BMPR1A: variants seen among roughly 807,000 people sequenced by gnomAD.
BMPR1A encodes bone morphogenetic protein receptor type-1A.
A neutral mutation model predicts 66.0 loss-of-function variants in BMPR1A; 7 were observed. That is an observed-to-expected ratio of 0.11 (90% CI 0.06 to 0.20). The LOEUF is 0.20. Among genes scored for constraint, BMPR1A ranks in the 10% least tolerant of loss-of-function variants. BMPR1A has a pLI of 1.00. For synonymous variants in BMPR1A, 200 were observed against 229.7 expected, an observed-to-expected ratio of 0.87 and a Z score of 1.17; for missense variants, 408 against 669.1, an observed-to-expected ratio of 0.61 and a Z score of 4.31.
chr10:86,898,772 G>A (rs777407616), intron 5 of BMPR1A, among the ~76,000 whole-genome samples: 11 of 152,000 alleles, frequency 7.2e-5, no homozygotes, highest in Non-Finnish European at 1.2e-4. Flanking sequence ...TTCATTCATC[G>A]TTAGTTATAT....
Position 86,898,452 on chromosome 10 carries a change from A to T in BMPR1A, c.334-1342A>T, listed in dbSNP as rs188130649. Among the ~76,000 whole-genome samples, 3 of 152,298 alleles carry T rather than the reference A, an allele frequency of 2.0e-5. No individual in the cohort carries two copies. In the East Asian group the frequency reaches 5.8e-4, roughly 29 times the overall value. Reference sequence around the variant, plus strand: ...CACCTAGGTTAGAATATAGGAACTCATAAGGAATACAAACGCATCGTAAGA... The same window carrying T: ...CACCTAGGTTAGAATATAGGAACTCTTAAGGAATACAAACGCATCGTAAGA... On this transcript the variant is annotated intron_variant, in intron 5 of 12. Transcript: ENST00000372037.
At chr10:86,848,603 C>A (rs1842519671) in intron 2 of BMPR1A, among the ~76,000 whole-genome samples, 1 of 152,056 alleles carries the variant, frequency 6.6e-6, no homozygotes, top group South Asian at 2.1e-4. Flanking sequence ...AACATACTAC[C>A]TTTTCTTCCT....
At chr10:86,911,906 T>C (rs1053319160) in intron 7 of BMPR1A, among the ~76,000 whole-genome samples, 2 of 152,224 alleles carry the variant, frequency 1.3e-5, no homozygotes, top group African/African-American at 4.8e-5. Flanking sequence ...TCTGAAAATA[T>C]GACTTCGAGG....
chr10:86,786,810 C>T (rs1564684048), intron 1 of BMPR1A, among the ~76,000 whole-genome samples: 1 of 152,176 alleles, frequency 6.6e-6, no homozygotes, highest in Non-Finnish European at 1.5e-5. Flanking sequence ...ACTTATTCTT[C>T]CTCCAGTAAC....
At chr10:86,878,504 A>G (rs965326860) in intron 3 of BMPR1A, among the ~76,000 whole-genome samples, 2 of 152,230 alleles carry the variant, frequency 1.3e-5, no homozygotes, top group Admixed American at 6.5e-5. Flanking sequence ...AGTTTTAAGT[A>G]ACTAATAATG....
At chr10:86,822,754 G>A (rs1005710981) in intron 1 of BMPR1A, among the ~76,000 whole-genome samples, 8 of 151,988 alleles carry the variant, frequency 5.3e-5, no homozygotes, top group Admixed American at 5.2e-4. Flanking sequence ...CTTTGCCTCA[G>A]CCTCCCAAGT....
chr10:86,829,296 C>T (rs188681980), intron 1 of BMPR1A, among the ~76,000 whole-genome samples: 3 of 152,058 alleles, frequency 2.0e-5, no homozygotes, highest in Admixed American at 2.0e-4. Context: ...CTCGTATAGT[C>T]CTTGAACAGT....
At chr10:86,870,454 G>A (rs747593264) in intron 2 of BMPR1A, among the ~76,000 whole-genome samples, 2 of 152,024 alleles carry the variant, frequency 1.3e-5, no homozygotes, top group East Asian at 1.9e-4. Flanking sequence ...ACAAGGTCTC[G>A]CTCTGTTGCC....
chr10:86,858,519 C>T (rs924671570), intron 2 of BMPR1A, among the ~76,000 whole-genome samples: 9 of 152,016 alleles, frequency 5.9e-5, no homozygotes, highest in African/African-American at 1.4e-4. Flanking sequence ...CGAATTGCCA[C>T]GATCATATAT....
intron 1 of BMPR1A, among the ~76,000 whole-genome samples, chr10:86,760,349 G>A (rs564127107): frequency 1.4e-5 from 2 of 147,098 alleles, no homozygotes; most frequent in South Asian, 4.4e-4. Context: ...TGCCTCCTGG[G>A]TTCAAGGGAT....
At chr10:86,806,393 G>A (rs1841889594) in intron 1 of BMPR1A, among the ~76,000 whole-genome samples, 1 of 152,126 alleles carries the variant, frequency 6.6e-6, no homozygotes, top group Admixed American at 6.5e-5. Context: ...ACTATTTATA[G>A]TTGTAGAATG....
intron 5 of BMPR1A, among the ~76,000 whole-genome samples, chr10:86,898,495 G>A (rs922378267): frequency 2.6e-5 from 4 of 152,118 alleles, no homozygotes; most frequent in African/African-American, 9.7e-5. Flanking sequence ...GTACATTTGG[G>A]ATGTCGTTTC....
chr10:86,912,314 T>C lies in BMPR1A; in HGVS notation c.605T>C (p.Val202Ala), dbSNP rs879254158. The C allele has an allele frequency of 1.9e-6, 3 of 1,614,018 alleles. No individual in the cohort carries two copies. The highest frequency in any genetic ancestry group is 2.5e-6 in the Non-Finnish European group (3 of 1,179,978). Residue 202 changes from valine (V) to alanine (A), a missense_variant, in exon 8 of 13, where the codon GTT (valine) becomes GCT (alanine). By Grantham distance (64) the Val-to-Ala change is moderately conservative. Coordinates refer to ENST00000372037, the MANE Select transcript of BMPR1A (RefSeq NM_004329.3). Reference protein sequence around the residue: ...DLEQDEAFIPVGESLKDLIDQ... With the variant: ...DLEQDEAFIPAGESLKDLIDQ... The stretch of plus-strand genomic sequence containing the variant: ...GAACAGGATGAAGCATTTATTCCAG[T>C]TGGAGAATCACTAAAAGACCTTATT...
chr10:86,861,294 A>G (rs1268850498), intron 2 of BMPR1A, among the ~76,000 whole-genome samples: 1 of 152,246 alleles, frequency 6.6e-6, no homozygotes, highest in African/African-American at 2.4e-5. Context: ...TACAGCAGGA[A>G]TCTGTCATCT....
At chr10:86,818,215 C>T (rs1468338501) in intron 1 of BMPR1A, among the ~76,000 whole-genome samples, 1 of 152,144 alleles carries the variant, frequency 6.6e-6, no homozygotes, top group Non-Finnish European at 1.5e-5. Context: ...GACAGGGTTT[C>T]CCCATGTTGG....
intron 1 of BMPR1A, among the ~76,000 whole-genome samples, chr10:86,766,617 CTTTTT>C (rs71019427): frequency 1.5e-5 from 2 of 131,294 alleles, no homozygotes; most frequent in Non-Finnish European, 3.1e-5. Flanking sequence ...TCATATCAGT[CTTTTT>C]TTTTTTTTTT....
At chr10:86,770,024 A>G (rs1841227626) in intron 1 of BMPR1A, among the ~76,000 whole-genome samples, 1 of 151,874 alleles carries the variant, frequency 6.6e-6, no homozygotes, top group Admixed American at 6.6e-5. Context: ...GGGCAAGGTG[A>G]TGCAGACCTA....
rs200647478 is a variant in BMPR1A, at chr10:86,835,249, GAAA to G, written c.-267-3604_-267-3602del. Among the ~76,000 whole-genome samples, 31 of 117,396 alleles carry G rather than the reference GAAA, an allele frequency of 2.6e-4. No individual in the cohort carries two copies. The South Asian group carries it at 6.8e-3, about 26-fold the overall frequency. 77.0% of individuals were successfully genotyped at this position (117,396 alleles called of 152,430 possible). On this transcript the variant is annotated intron_variant, in intron 1 of 12. Coordinates refer to ENST00000372037, the MANE Select transcript of BMPR1A (RefSeq NM_004329.3). ...GACCCTGTCTTTAAAAAGAAAAAAA[GAAA>G]AAAAAAAAAAACAGAAAAAAAACAA...
intron 11 of BMPR1A, 122 bp downstream of exon 11, chr10:86,921,817 G>C (rs1245132904): frequency 4.8e-6 from 6 of 1,239,098 alleles, no homozygotes; most frequent in Non-Finnish European, 6.9e-6. Context: ...ATATATTATT[G>C]GATAAGGAGT....
Sources: allele counts gnomAD v4.1 joint callset (sites outside exome capture counted in the v4.1 genomes callset), GRCh38; gene constraint gnomAD v4.1.1; transcripts MANE v1.5; gene names NCBI Gene and HGNC (gene_info 2026-07-23, HGNC 2026-07-21).